The following ASIP variants were observed in gnomAD, a reference collection of about 807,000 sequenced individuals.
ASIP encodes agouti signaling protein, also known as agouti-signaling protein.
A neutral mutation model predicts 10.3 loss-of-function variants in ASIP; 11 were observed. That is an observed-to-expected ratio of 1.07 (90% confidence interval 0.68 to 1.78). The LOEUF is 1.78. Among genes scored for constraint, ASIP ranks in the 40% most tolerant of loss-of-function variants. ASIP has a pLI of 0.00. For synonymous variants in ASIP, 70 were observed against 70.8 expected (o/e 0.99, Z 0.06); for missense variants, 180 against 169.2 (o/e 1.06, Z -0.35).
intron 1 of ASIP, among the ~76,000 whole-genome samples, chr20:34,207,947 G>A (rs929894268): frequency 4.6e-5 from 7 of 151,458 alleles, no homozygotes; most frequent in African/African-American, 1.2e-4. Context: ...CCACCACCAC[G>A]CCTGGCTGAT....
upstream of ASIP, among the ~76,000 whole-genome samples, chr20:34,238,539 A>G (rs916121149): frequency 4.0e-5 from 6 of 151,764 alleles, no homozygotes; most frequent in Non-Finnish European, 5.9e-5. Context: ...ATCTCTATTG[A>G]TATTCCCCTT....
intron 1 of ASIP, among the ~76,000 whole-genome samples, chr20:34,244,808 T>G (rs2035342411): frequency 6.6e-6 from 1 of 152,306 alleles, no homozygotes; most frequent in African/African-American, 2.4e-5. Context: ...ACCAACAGTA[T>G]GTTATTGTGC....
chr20:34,220,953 CTT>C (rs10661983), intron 1 of ASIP, among the ~76,000 whole-genome samples: 26 of 109,760 alleles, frequency 2.4e-4, no homozygotes, highest in African/African-American at 7.8e-4. Flanking sequence ...TTCTTTCCTT[CTT>C]TTTTTTTTTT....
At chr20:34,249,637 C>A (rs2035441133) in intron 1 of ASIP, among the ~76,000 whole-genome samples, 1 of 152,092 alleles carries the variant, frequency 6.6e-6, no homozygotes, top group Admixed American at 6.5e-5. Context: ...ACAAGGGGTC[C>A]TACATTTCAT....
chr20:34,199,092 T>C (rs1366578539), intron 1 of ASIP, among the ~76,000 whole-genome samples: 1 of 152,126 alleles, frequency 6.6e-6, no homozygotes, highest in Non-Finnish European at 1.5e-5. Context: ...ATGTTGTATA[T>C]GGTAATATTT....
Position 34,269,163 on chromosome 20 carries a change from G to A in ASIP, c.395G>A (p.Cys132Tyr), listed in dbSNP as rs1209188374. ...TCCTGCCGCGTGCTCAGCCTCAACT[G>A]CTGAGCGCCCCCACTCCCGGCCGCG... ...ACSCRVLSLN[C>Y] is the part of the protein sequence containing the mutation. The change falls in exon 4 of 4, where the codon TGC becomes TAC. Residue 132 changes from cysteine (C) to tyrosine (Y), a missense_variant. Cys to Tyr is a radical substitution (Grantham distance 194). Transcript: ENST00000374954. 6.6e-7 allele frequency: 1 copy of A among 1,526,390 alleles called. No individual in the cohort carries two copies. The highest frequency in any genetic ancestry group is 8.8e-7 in the Non-Finnish European group (1 of 1,135,382). 94.6% of individuals were successfully genotyped at this position (1,526,390 alleles called of 1,614,324 possible).
At chr20:34,259,526 A>AC (rs2035652589) in intron 1 of ASIP, among the ~76,000 whole-genome samples, 1 of 152,062 alleles carries the variant, frequency 6.6e-6, no homozygotes, top group South Asian at 2.1e-4. Context: ...AAAAATAAAA[A>AC]GAGTTAGAAA....
intron 1 of ASIP, among the ~76,000 whole-genome samples, chr20:34,235,311 G>A (rs1343909417): frequency 6.6e-6 from 1 of 152,084 alleles, no homozygotes; most frequent in Non-Finnish European, 1.5e-5. Flanking sequence ...GAGGTGGCAG[G>A]CACCTGTAAT....
upstream of ASIP, among the ~76,000 whole-genome samples, chr20:34,237,877 TG>T (rs2035231154): frequency 6.6e-6 from 1 of 152,214 alleles, no homozygotes; most frequent in Non-Finnish European, 1.5e-5. Flanking sequence ...TGTTAGAGTT[TG>T]TCAAATGCTT....
chr20:34,225,940 C>A (rs1048081440), intron 1 of ASIP, among the ~76,000 whole-genome samples: 11 of 151,788 alleles, frequency 7.2e-5, no homozygotes, highest in Admixed American at 2.0e-4. Context: ...GTCGCCCAGG[C>A]TGGAGTGTAG....
At chr20:34,263,292 C>T (rs1401234718) in intron 3 of ASIP, among the ~76,000 whole-genome samples, 1 of 152,168 alleles carries the variant, frequency 6.6e-6, no homozygotes, top group Non-Finnish European at 1.5e-5. Context: ...AGGCCGGATG[C>T]GGTGGCTCAC....
At chr20:34,267,334 T>C (rs942405199) in intron 3 of ASIP, among the ~76,000 whole-genome samples, 4 of 151,776 alleles carry the variant, frequency 2.6e-5, no homozygotes, top group African/African-American at 9.7e-5. Context: ...AGCATTTAAA[T>C]AGAGTGAAAA....
intron 1 of ASIP, among the ~76,000 whole-genome samples, chr20:34,210,571 CA>C (rs2034968027): frequency 6.6e-6 from 1 of 152,238 alleles, no homozygotes; most frequent in African/African-American, 2.4e-5. Context: ...GCATGGGATC[CA>C]GGCCAGTAGT....
At chr20:34,207,629 A>G (rs2034946048) in intron 1 of ASIP, among the ~76,000 whole-genome samples, 1 of 152,078 alleles carries the variant, frequency 6.6e-6, no homozygotes, top group African/African-American at 2.4e-5. Context: ...CATTTCCACA[A>G]TGTTTTCTTC....
upstream of ASIP, among the ~76,000 whole-genome samples, chr20:34,236,884 A>G (rs915923031): frequency 6.6e-5 from 10 of 152,148 alleles, no homozygotes; most frequent in African/African-American, 2.2e-4. Context: ...GTTTTTGTAT[A>G]TGGTGTTAGG....
chr20:34,263,906 G>A (rs976282162), intron 3 of ASIP, among the ~76,000 whole-genome samples: 1 of 151,894 alleles, frequency 6.6e-6, no homozygotes, highest in African/African-American at 2.4e-5. Context: ...CCTGACCTCA[G>A]GTGATCCACC....
intron 1 of ASIP, among the ~76,000 whole-genome samples, chr20:34,252,624 G>A (rs865887833): frequency 6.6e-6 from 1 of 152,188 alleles, no homozygotes; most frequent in East Asian, 1.9e-4. Flanking sequence ...GCAGGAGACA[G>A]ATGCCTTCCT....
intron 1 of ASIP, among the ~76,000 whole-genome samples, chr20:34,208,055 G>A (rs1396155661): frequency 1.3e-5 from 2 of 152,104 alleles, no homozygotes; most frequent in African/African-American, 4.8e-5. Flanking sequence ...GAGATTACAG[G>A]TGTGAGCCAC....
intron 1 of ASIP, among the ~76,000 whole-genome samples, chr20:34,257,337 A>C (rs1300942311): frequency 6.6e-6 from 1 of 151,988 alleles, no homozygotes; most frequent in Non-Finnish European, 1.5e-5. Context: ...CATTCGCTTC[A>C]GCCTCCCAAA....
Sources: allele counts gnomAD v4.1 joint callset (sites outside exome capture counted in the v4.1 genomes callset), GRCh38; gene constraint gnomAD v4.1.1; transcripts MANE v1.5; gene names NCBI Gene and HGNC (gene_info 2026-07-23, HGNC 2026-07-21).